CEBPZOS: variants seen among roughly 807,000 people sequenced by gnomAD.
The protein encoded by CEBPZOS is protein CEBPZOS.
Under a neutral mutation model 4.8 loss-of-function variants are expected in CEBPZOS, and 10 were observed. The observed-to-expected ratio is 2.07, with a 90% CI of 1.28 to 3.52. The LOEUF is 3.52. CEBPZOS is among the 30% of genes most tolerant of loss of function. The pLI, the probability that CEBPZOS is intolerant of heterozygous loss-of-function variation, is 0.00. For missense variants in CEBPZOS, 98 were observed against 43.6 expected (o/e 2.25, Z -3.51); for synonymous variants, 25 against 14.2 (o/e 1.77, Z -1.72).
Position 37,203,383 on chromosome 2 carries a change from G to C in CEBPZOS, c.*1523G>C, listed in dbSNP as rs968584077. On this transcript the variant is annotated 3_prime_UTR_variant, in exon 5 of 5. Transcript: ENST00000402297. ...ATAAAATTTAGTTCAGGGGTCTTTA[G>C]ATTGTAAAGAAATTGACTGAAAGTA... The C allele has an allele frequency of 6.4e-6, 1 of 155,398 alleles. No homozygotes were observed. Among genetic ancestry groups the C allele is most frequent in the African/African-American group, 2.4e-5 (1 of 41,498 alleles). The allele number at this position is 155,398 out of a possible 1,614,324, so 9.6% of individuals were successfully genotyped here. A position where few individuals can be genotyped will look rare whatever the true frequency, so the allele number is the denominator to read the frequency against.
intron 4 of CEBPZOS, chr2:37,211,039 T>G (rs1677705571): frequency 6.2e-7 from 1 of 1,612,332 alleles, no homozygotes; most frequent in African/African-American, 1.3e-5. Context: ...CTGTACCTTT[T>G]CTCTTGCTTT....
At chr2:37,200,577 G>C (rs1054984552) in intron 2 of CEBPZOS, among the ~76,000 whole-genome samples, 1 of 152,100 alleles carries the variant, frequency 6.6e-6, no homozygotes, top group African/African-American at 2.4e-5. Flanking sequence ...GCTTGCACTT[G>C]TAATTCCAGC....
chr2:37,201,471 A>G (rs1354808888), intron 3 of CEBPZOS, 171 bp from the exon 4 acceptor site: 1 of 570,598 alleles, frequency 1.8e-6, no homozygotes, highest in Non-Finnish European at 3.1e-6. Flanking sequence ...AATAGTGCTC[A>G]TTACAATGAT....
chr2:37,211,418 TGAAAGGACA>T (rs1267665387), intron 4 of CEBPZOS: 4 of 238,144 alleles, frequency 1.7e-5, no homozygotes, highest in Non-Finnish European at 3.2e-5. Flanking sequence ...TGGAGGTATG[TGAAAGGACA>T]GAAAGGTCAG....
Position 37,201,672 on chromosome 2 carries a change from T to C in CEBPZOS, c.191T>C (p.Met64Thr), listed in dbSNP as rs1677242283. The C allele has an allele frequency of 1.2e-6, 1 of 800,566 alleles. No homozygotes were observed. The highest frequency in any genetic ancestry group is 2.2e-6 in the Non-Finnish European group (1 of 461,876). The allele number at this position is 800,566 out of a possible 1,614,324, so 49.6% of individuals were successfully genotyped here. Residue 64 changes from methionine (M) to threonine (T), a missense_variant, in exon 4 of 5, where the codon ATG becomes ACG. Met to Thr is a moderately conservative substitution (Grantham distance 81, BLOSUM62 -1). Coordinates refer to ENST00000402297, the MANE Select transcript of CEBPZOS (RefSeq NM_001322374.2). ...TACAAATCCACTGAGAAGTCTGGAA[T>C]GTATGGAATCAGAGAGCTAGATCAA... Reference protein sequence around the residue: ...VYYKSTEKSGMYGIRELDQKT... With the variant: ...VYYKSTEKSGTYGIRELDQKT...
chr2:37,205,013 A>G (rs891551274), downstream of CEBPZOS, among the ~76,000 whole-genome samples: 1 of 152,236 alleles, frequency 6.6e-6, no homozygotes, highest in Non-Finnish European at 1.5e-5. Context: ...AAAACTGCCT[A>G]TATCTCATCT....
At position 37,202,033 on chromosome 2, in the gene CEBPZOS, C is replaced by T. The variant is rs966861561; in HGVS notation, c.*173C>T. The T allele has an allele frequency of 5.5e-5, 34 of 616,436 alleles. No individual in the cohort carries two copies. The African/African-American group carries it at 5.6e-4, about 10-fold the overall frequency. 38.2% of individuals were successfully genotyped at this position (616,436 alleles called of 1,614,324 possible). Reference sequence around the variant, plus strand: ...TGTGGTTTCCCACCCACTATACAAACCCACTGCTTGTTTGTTGCTTTTCTT... The same window carrying T: ...TGTGGTTTCCCACCCACTATACAAATCCACTGCTTGTTTGTTGCTTTTCTT... On this transcript the variant is annotated 3_prime_UTR_variant, in exon 5 of 5. Transcript: ENST00000402297.
intron 1 of CEBPZOS, chr2:37,198,559 A>G (rs1230306405): frequency 2.0e-5 from 3 of 152,208 alleles, no homozygotes; most frequent in Non-Finnish European, 2.9e-5. Context: ...GATTGAGAAC[A>G]AAAGAGCACA....
Position 37,202,789 on chromosome 2 carries a change from T to A in CEBPZOS, c.*929T>A. 6.4e-7 allele frequency: 1 copy of A among 1,564,212 alleles called. No homozygotes were observed. Among genetic ancestry groups the A allele is most frequent in the Non-Finnish European group, 8.7e-7 (1 of 1,154,774 alleles). On this transcript the variant is annotated 3_prime_UTR_variant, in exon 5 of 5. Coordinates refer to ENST00000402297, the MANE Select transcript of CEBPZOS (RefSeq NM_001322374.2). The stretch of plus-strand genomic sequence containing the variant: ...AAAAAATTTAAGTTACTTACTTGCA[T>A]TATCTTTGTTAGCCATGGCATTCAT...
chr2:37,216,149 G>A (rs1421744527), downstream of CEBPZOS: 10 of 1,610,070 alleles, frequency 6.2e-6, no homozygotes, highest in Non-Finnish European at 8.5e-6. Flanking sequence ...CCAGGAAGAT[G>A]ACGAATATCC....
chr2:37,200,421 C>T (rs957603884), intron 2 of CEBPZOS, among the ~76,000 whole-genome samples: 1 of 152,070 alleles, frequency 6.6e-6, no homozygotes, highest in African/African-American at 2.4e-5. Context: ...TTGGTTGGAA[C>T]GCTGTACCAA....
Position 37,202,806 on chromosome 2 carries a change from G to T in CEBPZOS, c.*946G>T. The stretch of plus-strand genomic sequence containing the variant: ...TACTTGCATTATCTTTGTTAGCCAT[G>T]GCATTCATGCCAATGTTATCAAACT... On this transcript the variant is annotated 3_prime_UTR_variant, in exon 5 of 5. Coordinates refer to ENST00000402297, the MANE Select transcript of CEBPZOS (RefSeq NM_001322374.2). 6.3e-7 allele frequency: 1 copy of T among 1,586,092 alleles called. No individual in the cohort carries two copies. The highest frequency in any genetic ancestry group is 8.6e-7 in the Non-Finnish European group (1 of 1,166,774).
At chr2:37,212,571 C>A (rs546421852) in intron 4 of CEBPZOS, 1 of 561,744 alleles carries the variant, frequency 1.8e-6, no homozygotes, top group South Asian at 2.5e-5. Flanking sequence ...CTGTGAAATA[C>A]TGATCTTAGT....
rs867348277 is a variant in CEBPZOS, at chr2:37,203,779, T to G, written c.*1919T>G. On this transcript the variant is annotated 3_prime_UTR_variant, in exon 5 of 5. Coordinates refer to ENST00000402297, the MANE Select transcript of CEBPZOS (RefSeq NM_001322374.2). ...CTATGACTTGCCTTTTCTGGCTATT[T>G]CATATAAATGGGATCATATGACATG... 1.0e-4 allele frequency: 16 copies of G among 152,390 alleles called. No individual in the cohort carries two copies. The highest frequency in any genetic ancestry group is 3.4e-3 in the Middle Eastern group (1 of 294). The allele number at this position is 152,390 out of a possible 1,614,324, so 9.4% of individuals were successfully genotyped here. A position where few individuals can be genotyped will look rare whatever the true frequency, so the allele number is the denominator to read the frequency against.
chr2:37,200,115 T>C lies in CEBPZOS; in HGVS notation c.115+296T>C, dbSNP rs967672542. 4.6e-5 allele frequency among the ~76,000 whole-genome samples: 7 copies of C among 152,324 alleles called. No homozygotes were observed. The East Asian group carries it at 1.2e-3, about 25-fold the overall frequency. On this transcript the variant is annotated intron_variant, in intron 2 of 4. Coordinates refer to ENST00000402297, the MANE Select transcript of CEBPZOS (RefSeq NM_001322374.2). ...GTCTGGCTTAGTTTGGGAGCACAGA[T>C]GGAGGAAACTTAGCCTGCCCATTAT...
downstream of CEBPZOS, chr2:37,216,024 T>A: frequency 1.4e-6 from 1 of 697,090 alleles, no homozygotes; most frequent in South Asian, 2.6e-5. Context: ...AAAAGATGGA[T>A]AATGTCTTTG....
At chr2:37,213,942 C>G, downstream of CEBPZOS, 1 of 1,573,290 alleles carries the variant, frequency 6.4e-7, no homozygotes, top group Non-Finnish European at 8.6e-7. Context: ...TTCTCTTTAA[C>G]AGCAACTTTT....
chr2:37,207,912 C>T (rs1398359050), downstream of CEBPZOS, among the ~76,000 whole-genome samples: 1 of 151,426 alleles, frequency 6.6e-6, no homozygotes, highest in Non-Finnish European at 1.5e-5. Context: ...CAAGATTAAC[C>T]AAAAAAAGAA....
chr2:37,198,799 T>C (rs1293493601), intron 1 of CEBPZOS: 2 of 152,234 alleles, frequency 1.3e-5, no homozygotes, highest in African/African-American at 2.4e-5. Context: ...GTTTTGCCAC[T>C]TAACTGGTTC....
Sources: gnomAD v4.1 joint callset for allele counts (sites outside exome capture counted in the v4.1 genomes callset) on GRCh38, gnomAD v4.1.1 for gene constraint, MANE v1.5 for transcripts, NCBI Gene and HGNC (gene_info 2026-07-23, HGNC 2026-07-21) for gene names.